Variants in RORA observed in about 807,000 individuals in gnomAD.
RORA encodes nuclear receptor ROR-alpha.
Under a neutral mutation model 69.5 loss-of-function variants are expected in RORA, and 7 were observed. That is an observed-to-expected ratio of 0.10 (90% confidence interval 0.06 to 0.19). The LOEUF (loss-of-function observed/expected upper bound fraction) is 0.19, where lower values mean the gene tolerates loss of function less well. Among genes scored for constraint, RORA ranks in the 10% least tolerant of loss-of-function variants. The probability of loss-of-function intolerance (pLI) is 1.00; values close to 1 mark genes in which losing one functional copy is unlikely to be tolerated. For synonymous variants in RORA, 261 were observed against 240.8 expected (o/e 1.08, Z -0.78); for missense variants, 457 against 663.0 (o/e 0.69, Z 3.41).
chr15:60,951,140 C>A (rs1241206435), intron 1 of RORA, among the ~76,000 whole-genome samples: 1 of 152,166 alleles, frequency 6.6e-6, no homozygotes, highest in Non-Finnish European at 1.5e-5. Context: ...GAATCTCACT[C>A]AAAACTGCTC....
At chr15:60,626,763 CT>C (rs2140641099) in intron 2 of RORA, among the ~76,000 whole-genome samples, 1 of 152,288 alleles carries the variant, frequency 6.6e-6, no homozygotes, top group African/African-American at 2.4e-5. Flanking sequence ...GTTTCTCTGC[CT>C]TAAGGTTACT....
At chr15:60,886,335 G>C (rs1399029059) in intron 1 of RORA, among the ~76,000 whole-genome samples, 3 of 152,106 alleles carry the variant, frequency 2.0e-5, no homozygotes, top group African/African-American at 7.2e-5. Flanking sequence ...GAGCAGGTGG[G>C]GGCCCCTGGA....
chr15:61,220,642 G>C (rs8034476), intron 1 of RORA, among the ~76,000 whole-genome samples: 133,165 of 152,066 alleles, frequency 0.88, 59,582 homozygotes, highest in South Asian at 0.98. Flanking sequence ...AATAAACACG[G>C]CTGCCAATTC....
At chr15:60,636,034 G>A (rs1417620594) in intron 2 of RORA, among the ~76,000 whole-genome samples, 2 of 152,228 alleles carry the variant, frequency 1.3e-5, no homozygotes, top group East Asian at 3.9e-4. Context: ...TTAAAATGCC[G>A]AAAGCTCTCT....
chr15:61,225,063 T>C (rs2080133641), intron 1 of RORA, among the ~76,000 whole-genome samples: 1 of 152,154 alleles, frequency 6.6e-6, no homozygotes, highest in African/African-American at 2.4e-5. Context: ...GATTAATAAT[T>C]CAATTTTTTT....
At chr15:61,110,006 G>C (rs530138432) in intron 1 of RORA, among the ~76,000 whole-genome samples, 15 of 151,986 alleles carry the variant, frequency 9.9e-5, no homozygotes, top group African/African-American at 3.6e-4. Context: ...CTATTGCCTA[G>C]TGATGTAGCC....
At chr15:60,881,755 AC>A (rs2073682979) in intron 1 of RORA, among the ~76,000 whole-genome samples, 2 of 152,164 alleles carry the variant, frequency 1.3e-5, no homozygotes, top group African/African-American at 4.8e-5. Flanking sequence ...AGGAAATAAC[AC>A]CTCAAACCAG....
At position 60,736,021 on chromosome 15, in the gene RORA, G is replaced by A. The variant is rs188242586; in HGVS notation, c.167-57335C>T. ...AGCTGTTACCTCTCCCAATTATCTT[G>A]CTTACCTGTCAACTTTAAGGCGTCA... On this transcript the variant is annotated intron_variant, in intron 1 of 10. Coordinates refer to ENST00000335670, the MANE Select transcript of RORA (RefSeq NM_134261.3). Among the ~76,000 whole-genome samples, 7 of 152,158 alleles carry A rather than the reference G, an allele frequency of 4.6e-5. No individual in the cohort carries two copies. In the East Asian group the frequency reaches 1.2e-3, roughly 25 times the overall value.
At chr15:60,517,122 T>TC (rs1334923812) in intron 3 of RORA, among the ~76,000 whole-genome samples, 4 of 151,404 alleles carry the variant, frequency 2.6e-5, no homozygotes, top group African/African-American at 7.3e-5. Flanking sequence ...TTTTTTTTTT[T>TC]TCCCCCCTAC....
chr15:60,941,125 C>T (rs1452749565), intron 1 of RORA, among the ~76,000 whole-genome samples: 1 of 152,156 alleles, frequency 6.6e-6, no homozygotes, highest in Non-Finnish European at 1.5e-5. Context: ...CTTGGAGACA[C>T]CAAACACTTC....
chr15:60,911,445 G>T (rs2140479283), intron 1 of RORA, among the ~76,000 whole-genome samples: 1 of 152,246 alleles, frequency 6.6e-6, no homozygotes, highest in African/African-American at 2.4e-5. Context: ...GGACAAAATA[G>T]ATAGTTGCCT....
chr15:61,010,974 T>C (rs935420248), intron 1 of RORA, among the ~76,000 whole-genome samples: 2 of 152,208 alleles, frequency 1.3e-5, no homozygotes, highest in African/African-American at 4.8e-5. Flanking sequence ...TTCAACTACA[T>C]CATGTCACCT....
chr15:60,947,770 G>A (rs1267303905), intron 1 of RORA, among the ~76,000 whole-genome samples: 1 of 151,054 alleles, frequency 6.6e-6, no homozygotes, highest in African/African-American at 2.4e-5. Flanking sequence ...AGTGCAAAGT[G>A]CAGTCTTGGG....
At chr15:61,024,659 C>T (rs1044537496) in intron 1 of RORA, among the ~76,000 whole-genome samples, 1 of 152,080 alleles carries the variant, frequency 6.6e-6, no homozygotes, top group African/African-American at 2.4e-5. Context: ...CCGTGTTGGT[C>T]AGGCTGGTCT....
intron 2 of RORA, among the ~76,000 whole-genome samples, chr15:60,564,638 G>C (rs1294295692): frequency 6.6e-6 from 1 of 152,254 alleles, no homozygotes; most frequent in East Asian, 1.9e-4. Flanking sequence ...CAGGAAAGGT[G>C]GGGGCCTGGG....
chr15:60,636,774 G>C (rs1259472040), intron 2 of RORA, among the ~76,000 whole-genome samples: 1 of 151,910 alleles, frequency 6.6e-6, no homozygotes, highest in African/African-American at 2.4e-5. Context: ...ATCCAGGGAG[G>C]GTTCTTGCCA....
intron 1 of RORA, among the ~76,000 whole-genome samples, chr15:60,979,268 CTTTTTT>C (rs767729204): frequency 6.2e-5 from 4 of 64,258 alleles, no homozygotes; most frequent in African/African-American, 1.1e-4. Flanking sequence ...CTAGCCCTTG[CTTTTTT>C]TTTTTTTTTT....
chr15:60,827,895 T>C (rs1453096600), intron 1 of RORA, among the ~76,000 whole-genome samples: 2 of 152,240 alleles, frequency 1.3e-5, no homozygotes, highest in East Asian at 1.9e-4. Flanking sequence ...AGATGTTTTA[T>C]AGACAGCCAG....
intron 1 of RORA, among the ~76,000 whole-genome samples, chr15:60,903,725 G>A (rs975473403): frequency 6.6e-6 from 1 of 152,148 alleles, no homozygotes; most frequent in African/African-American, 2.4e-5. Flanking sequence ...TATTAAAGGG[G>A]TGATTACCTT....
Sources: gnomAD v4.1 joint callset for allele counts (sites outside exome capture counted in the v4.1 genomes callset) on GRCh38, gnomAD v4.1.1 for gene constraint, MANE v1.5 for transcripts, NCBI Gene and HGNC (gene_info 2026-07-23, HGNC 2026-07-21) for gene names.